The following SPAG9 variants were observed in gnomAD, a reference collection of about 807,000 sequenced individuals.
The protein encoded by SPAG9 is C-Jun-amino-terminal kinase-interacting protein 4.
Under a neutral mutation model 166.5 loss-of-function variants are expected in SPAG9, and 35 were observed. The ratio of observed to expected loss-of-function variants is 0.21; its 90% CI spans 0.16 to 0.28. The LOEUF (loss-of-function observed/expected upper bound fraction) is 0.28. SPAG9 is among the 10% of genes least tolerant of loss of function. SPAG9 has a pLI of 1.00. For synonymous variants in SPAG9, 534 were observed against 565.5 expected, an observed-to-expected ratio of 0.94 and a Z score of 0.79; for missense variants, 1,235 against 1,603.3, an observed-to-expected ratio of 0.77 and a Z score of 3.92.
chr17:51,015,623 A>T (rs1407924060), intron 8 of SPAG9, among the ~76,000 whole-genome samples: 1 of 152,168 alleles, frequency 6.6e-6, no homozygotes, highest in Non-Finnish European at 1.5e-5. Context: ...CAACAAAAAA[A>T]CAAAGCACTT....
intron 9 of SPAG9, among the ~76,000 whole-genome samples, chr17:51,011,038 CAGGAA>C: frequency 6.6e-6 from 1 of 152,074 alleles, no homozygotes; most frequent in Non-Finnish European, 1.5e-5. Context: ...AGAGTCGAGA[CAGGAA>C]AGGACACAGG....
chr17:50,996,199 T>C (rs936266402), intron 16 of SPAG9: 3 of 191,062 alleles, frequency 1.6e-5, no homozygotes, highest in African/African-American at 7.0e-5. Context: ...TAATTTTAAA[T>C]GAACAGTTTG....
At chr17:51,104,695 A>G (rs2048893463) in intron 1 of SPAG9, among the ~76,000 whole-genome samples, 1 of 152,008 alleles carries the variant, frequency 6.6e-6, no homozygotes, top group Non-Finnish European at 1.5e-5. Context: ...GCACTTTGGA[A>G]GGCCGAGGCG....
chr17:51,009,834 A>G (rs1328833446), intron 9 of SPAG9, among the ~76,000 whole-genome samples: 1 of 152,144 alleles, frequency 6.6e-6, no homozygotes, highest in Non-Finnish European at 1.5e-5. Flanking sequence ...AAAAATAAAT[A>G]AATAAAGTTT....
intron 2 of SPAG9, among the ~76,000 whole-genome samples, chr17:51,057,107 G>A (rs1197184730): frequency 2.6e-5 from 4 of 152,198 alleles, no homozygotes; most frequent in African/African-American, 9.6e-5. Context: ...ATGATTCAGG[G>A]AGGAGGTGGT....
At chr17:50,989,124 C>A (rs1160615027) in intron 21 of SPAG9, among the ~76,000 whole-genome samples, 1 of 152,000 alleles carries the variant, frequency 6.6e-6, no homozygotes, top group African/African-American at 2.4e-5. Context: ...CCTGGTAAAA[C>A]CATTTTGGAA....
chr17:50,988,667 C>A (rs1046920100), intron 21 of SPAG9, among the ~76,000 whole-genome samples: 7 of 152,172 alleles, frequency 4.6e-5, no homozygotes, highest in African/African-American at 1.4e-4. Flanking sequence ...AATCCTCCCA[C>A]CTCAGCCTCC....
At chr17:50,966,780 C>T (rs529206298) in intron 29 of SPAG9, among the ~76,000 whole-genome samples, 3 of 152,298 alleles carry the variant, frequency 2.0e-5, no homozygotes, top group Admixed American at 6.5e-5. Flanking sequence ...TTATAAAATG[C>T]GTGAGCACAG....
At chr17:50,971,507 G>A (rs1251121615) in intron 28 of SPAG9, among the ~76,000 whole-genome samples, 17 of 112,100 alleles carry the variant, frequency 1.5e-4, no homozygotes, top group Non-Finnish European at 2.3e-4. Flanking sequence ...TTGCTCTGTC[G>A]CCCAGGCTGG....
rs772280179 is a variant in SPAG9 at position 51,023,379 on chromosome 17, C to T, written c.784-2014G>A. ...AAGGGAGTATCAGCAGGAATTATTG[C>T]CACATCGATTTAGCTATTGATGCTG... is the stretch of plus-strand genomic sequence containing the variant. On this transcript the variant is annotated intron_variant, in intron 6 of 29. Coordinates refer to ENST00000262013, the MANE Select transcript of SPAG9 (RefSeq NM_001130528.3). 1.7e-4 allele frequency: 42 copies of T among 250,196 alleles called. 1 individual carries two copies. Among genetic ancestry groups the T allele is most frequent in the South Asian group, 1.3e-3 (24 of 18,102 alleles). 15.5% of individuals were successfully genotyped at this position (250,196 alleles called of 1,614,324 possible).
At chr17:51,051,404 G>A (rs2047180300) in intron 3 of SPAG9, among the ~76,000 whole-genome samples, 1 of 151,990 alleles carries the variant, frequency 6.6e-6, no homozygotes, top group Non-Finnish European at 1.5e-5. Context: ...CACTGCACTC[G>A]GCCAAGGTGT....
chr17:50,986,054 G>C (rs547571813), intron 22 of SPAG9, among the ~76,000 whole-genome samples: 2 of 152,236 alleles, frequency 1.3e-5, no homozygotes, highest in East Asian at 1.9e-4. Context: ...TTAGTCCTTG[G>C]GCAAAACTCT....
At chr17:51,071,966 A>G (rs1432038123) in intron 2 of SPAG9, among the ~76,000 whole-genome samples, 1 of 152,056 alleles carries the variant, frequency 6.6e-6, no homozygotes, top group Non-Finnish European at 1.5e-5. Context: ...AATTGCATCC[A>G]CCTCTCCTCC....
At chr17:51,080,778 G>A (rs539620512) in intron 1 of SPAG9, among the ~76,000 whole-genome samples, 165 of 150,574 alleles carry the variant, frequency 1.1e-3, no homozygotes, top group African/African-American at 3.8e-3. Flanking sequence ...CCACTTGGGA[G>A]GCTAAGGAAG....
Position 51,097,548 on chromosome 17 carries a change from T to TAC in SPAG9, c.304-17846_304-17845dup, listed in dbSNP as rs551418923. 5.0e-4 allele frequency among the ~76,000 whole-genome samples: 76 copies of TAC among 152,042 alleles called. No homozygotes were observed. The East Asian group carries it at 0.012, about 24-fold the overall frequency. On this transcript the variant is annotated intron_variant, in intron 1 of 29. Coordinates refer to ENST00000262013, the MANE Select transcript of SPAG9 (RefSeq NM_001130528.3). ...AAAAAATTATGGTATCTACATTATATACACACACACACATATACATATATA... is the reference window on the plus strand; with the variant it reads ...AAAAAATTATGGTATCTACATTATATACACACACACACACATATACATATATA...
rs146068009 is a variant in SPAG9 at position 51,006,774 on chromosome 17, A to G, written c.1271+495T>C. On this transcript the variant is annotated intron_variant, in intron 10 of 29. Coordinates refer to ENST00000262013, the MANE Select transcript of SPAG9 (RefSeq NM_001130528.3). ...AAAGGAACCCAGTCAGCTTTTCCAC[A>G]TGACTGGGGATCTGTCCCATTAAAT... Among the ~76,000 whole-genome samples the G allele has an allele frequency of 4.9e-3, 753 of 152,262 alleles. 9 individuals carry two copies. The highest frequency in any genetic ancestry group is 0.017 in the African/African-American group (721 of 41,542).
At chr17:50,994,486 C>T (rs1474655455) in intron 18 of SPAG9, among the ~76,000 whole-genome samples, 1 of 152,162 alleles carries the variant, frequency 6.6e-6, no homozygotes, top group Non-Finnish European at 1.5e-5. Context: ...CACAGTGGCT[C>T]ACGTCTGTAA....
At chr17:51,059,762 C>T (rs2047453224) in intron 2 of SPAG9, among the ~76,000 whole-genome samples, 1 of 145,528 alleles carries the variant, frequency 6.9e-6, no homozygotes, top group African/African-American at 2.6e-5. Flanking sequence ...GAGTGTGACT[C>T]CATCTCAAAA....
intron 8 of SPAG9, among the ~76,000 whole-genome samples, chr17:51,018,785 C>G (rs1018435017): frequency 5.3e-5 from 8 of 152,160 alleles, no homozygotes; most frequent in African/African-American, 1.4e-4. Flanking sequence ...AATAAGCATG[C>G]TCCATAGCCA....
Sources: allele counts gnomAD v4.1 joint callset (sites outside exome capture counted in the v4.1 genomes callset), GRCh38; gene constraint gnomAD v4.1.1; transcripts MANE v1.5; gene names NCBI Gene and HGNC (gene_info 2026-07-23, HGNC 2026-07-21).